SBF2: variants seen among roughly 807,000 people sequenced by gnomAD.
SBF2 encodes SET binding factor 2.
SBF2 carries 112 observed loss-of-function variants against 225.2 expected under a neutral mutation model. The observed-to-expected ratio is 0.50, with a 90% confidence interval of 0.43 to 0.58. The LOEUF is 0.58. SBF2 is among the 20% of genes least tolerant of loss of function. The pLI is 0.00. For synonymous variants in SBF2, 763 were observed against 773.3 expected (o/e 0.99, Z 0.22); for missense variants, 1,996 against 2,206.2 (o/e 0.90, Z 1.91).
intron 3 of SBF2, among the ~76,000 whole-genome samples, chr11:10,034,228 G>A (rs961892008): frequency 1.3e-5 from 2 of 152,060 alleles, no homozygotes; most frequent in East Asian, 3.8e-4. Context: ...AGATATCTTT[G>A]CCTACCAATT....
Position 10,293,998 on chromosome 11 carries a change from C to T in SBF2, c.55+17G>A. On this transcript the variant is annotated intron_variant, in intron 1 of 39. Coordinates refer to ENST00000256190, the MANE Select transcript of SBF2 (RefSeq NM_030962.4). Reference sequence around the variant, plus strand: ...GGGGCGGGGAGGCCCGGGGGCGGTGCCGCCCCACACCCTTACCTGGCTTCT... The same window carrying T: ...GGGGCGGGGAGGCCCGGGGGCGGTGTCGCCCCACACCCTTACCTGGCTTCT... 4 of 1,361,098 alleles carry T rather than the reference C, an allele frequency of 2.9e-6. No homozygotes were observed. Among genetic ancestry groups the T allele is most frequent in the South Asian group, 1.8e-5 (1 of 54,836 alleles). The allele number at this position is 1,361,098 out of a possible 1,614,324, so 84.3% of individuals were successfully genotyped here.
intron 2 of SBF2, among the ~76,000 whole-genome samples, chr11:10,170,088 T>C (rs1478354211): frequency 1.3e-5 from 2 of 152,132 alleles, no homozygotes; most frequent in Non-Finnish European, 2.9e-5. Flanking sequence ...GGGTTGTCTC[T>C]TCACTTTGTT....
rs776800256 is a variant in SBF2, at chr11:9,780,387, C to T, written c.*31G>A. On this transcript the variant is annotated 3_prime_UTR_variant, in exon 40 of 40. Transcript: ENST00000256190. ...TATCTATCTGGCAGCATGAGTTCTTCTGTTTCTTCTGCGTGGGTTGACCAT... is the reference window on the plus strand; with the variant it reads ...TATCTATCTGGCAGCATGAGTTCTTTTGTTTCTTCTGCGTGGGTTGACCAT... The T allele has an allele frequency of 6.4e-7, 1 of 1,564,968 alleles. No homozygotes were observed. Among genetic ancestry groups the T allele is most frequent in the Non-Finnish European group, 8.8e-7 (1 of 1,135,990 alleles).
At chr11:9,813,346 G>C (rs1222914825) in intron 29 of SBF2, among the ~76,000 whole-genome samples, 1 of 151,420 alleles carries the variant, frequency 6.6e-6, no homozygotes, top group Non-Finnish European at 1.5e-5. Flanking sequence ...TTGTTTTTTT[G>C]GGATGGAGTC....
intron 16 of SBF2, among the ~76,000 whole-genome samples, chr11:9,897,504 T>C (rs1861362765): frequency 6.6e-6 from 1 of 152,112 alleles, no homozygotes; most frequent in African/African-American, 2.4e-5. Context: ...TGAACCACCA[T>C]GCCCGGCGGA....
At chr11:10,046,892 A>C (rs1949886138) in intron 2 of SBF2, among the ~76,000 whole-genome samples, 3 of 151,588 alleles carry the variant, frequency 2.0e-5, no homozygotes, top group East Asian at 3.9e-4. Flanking sequence ...AAAAAAAAAA[A>C]AAACCCATCC....
At chr11:9,966,051 G>T (rs529634663) in intron 14 of SBF2, among the ~76,000 whole-genome samples, 13 of 151,478 alleles carry the variant, frequency 8.6e-5, no homozygotes, top group African/African-American at 2.9e-4. Context: ...TTTTCTTTAG[G>T]CTGAGTTATT....
intron 1 of SBF2, among the ~76,000 whole-genome samples, chr11:10,287,614 T>C (rs754811082): frequency 2.2e-5 from 3 of 135,518 alleles, no homozygotes; most frequent in Non-Finnish European, 5.1e-5. Context: ...GCTACACTAA[T>C]GTATGTATTT....
At chr11:9,969,919 G>A (rs564719479) in intron 13 of SBF2, among the ~76,000 whole-genome samples, 2 of 152,134 alleles carry the variant, frequency 1.3e-5, no homozygotes, top group African/African-American at 2.4e-5. Flanking sequence ...GGGACACAAT[G>A]CTGAACACAC....
chr11:10,200,300 C>T (rs1031602535), intron 1 of SBF2, among the ~76,000 whole-genome samples: 2 of 152,114 alleles, frequency 1.3e-5, no homozygotes, highest in Admixed American at 1.3e-4. Flanking sequence ...AGTTAATGTG[C>T]ATGTAAAATA....
rs570053424 is a variant in SBF2, at chr11:10,059,612, T to C, written c.142-16631A>G. On this transcript the variant is annotated intron_variant, in intron 2 of 39. Coordinates refer to ENST00000256190, the MANE Select transcript of SBF2 (RefSeq NM_030962.4). ...TCACCATATGGCACATACTCTAAAA[T>C]TGACCACATAATTGGACATAAAACA... Among the ~76,000 whole-genome samples the C allele has an allele frequency of 3.9e-5, 6 of 152,214 alleles. No individual in the cohort carries two copies. In the South Asian group the frequency reaches 8.3e-4, roughly 21 times the overall value.
At chr11:10,040,878 C>T (rs1409589584) in intron 3 of SBF2, among the ~76,000 whole-genome samples, 1 of 151,964 alleles carries the variant, frequency 6.6e-6, no homozygotes, top group African/African-American at 2.4e-5. Context: ...AGGCTATATA[C>T]ATGTTTGCAT....
At chr11:10,223,662 T>C (rs1258308733) in intron 1 of SBF2, among the ~76,000 whole-genome samples, 1 of 151,876 alleles carries the variant, frequency 6.6e-6, no homozygotes, top group Non-Finnish European at 1.5e-5. Flanking sequence ...ATGGCATGAC[T>C]TTTGTCTGTT....
intron 2 of SBF2, among the ~76,000 whole-genome samples, chr11:10,083,691 G>C (rs1951450835): frequency 6.6e-6 from 1 of 152,136 alleles, no homozygotes. Flanking sequence ...GAATAAAATA[G>C]AACCCATATC....
chr11:10,300,404 A>G (rs935179917), intron 1 of SBF2, among the ~76,000 whole-genome samples: 7 of 152,158 alleles, frequency 4.6e-5, no homozygotes, highest in African/African-American at 1.7e-4. Context: ...AGTGGCTCAT[A>G]CCTGTAATCC....
At chr11:10,169,217 C>A (rs1368752686) in intron 2 of SBF2, among the ~76,000 whole-genome samples, 1 of 152,022 alleles carries the variant, frequency 6.6e-6, no homozygotes, top group Admixed American at 6.6e-5. Context: ...TTTAAATGTA[C>A]AAAAATTATT....
In SBF2 at chr11:9,812,783, G is replaced by A. The variant is rs933170688; in HGVS notation, c.3979-75C>T. 5.4e-6 allele frequency: 8 copies of A among 1,487,938 alleles called. No individual in the cohort carries two copies. In the African/African-American group the frequency reaches 8.3e-5, roughly 15 times the overall value. The allele number at this position is 1,487,938 out of a possible 1,614,324, so 92.2% of individuals were successfully genotyped here. A position where few individuals can be genotyped will look rare whatever the true frequency, so the allele number is the denominator to read the frequency against. On this transcript the variant is annotated intron_variant, in intron 29 of 39. Coordinates refer to ENST00000256190, the MANE Select transcript of SBF2 (RefSeq NM_030962.4). ...AGAGTGATGTTTCCAATGGGGCAGT[G>A]CATAATGACAAAGTTATTTGGGGCC...
intron 25 of SBF2, among the ~76,000 whole-genome samples, chr11:9,840,192 C>T (rs1367279569): frequency 2.0e-5 from 3 of 151,716 alleles, no homozygotes; most frequent in Non-Finnish European, 4.4e-5. Flanking sequence ...TGAGACCGTG[C>T]CACTGCACTC....
At position 9,812,604 on chromosome 11, in the gene SBF2, G is replaced by C. The variant is rs760902659; in HGVS notation, c.4083C>G (p.Ile1361Met). ...ASFKKLMRAC[I>M]PSTIPTDSEV... ...CTGAGTCAGTAGGGATGGTGCTTGG[G>C]ATACAAGCCCTCATCAGCTTCTTAA... is the stretch of plus-strand genomic sequence containing the variant. Residue 1361 changes from isoleucine (I) to methionine (M), a missense_variant, in exon 30 of 40, where the codon ATC becomes ATG. Physicochemically the swap from Ile to Met is conservative, Grantham distance 10. Coordinates refer to ENST00000256190, the MANE Select transcript of SBF2 (RefSeq NM_030962.4). The C allele has an allele frequency of 2.5e-5, 41 of 1,614,046 alleles. No homozygotes were observed. The highest frequency in any genetic ancestry group is 3.1e-5 in the Non-Finnish European group (37 of 1,180,002).
Sources: allele counts gnomAD v4.1 joint callset (sites outside exome capture counted in the v4.1 genomes callset), GRCh38; gene constraint gnomAD v4.1.1; transcripts MANE v1.5; gene names NCBI Gene and HGNC (gene_info 2026-07-23, HGNC 2026-07-21).